CACNA1C: variants seen among roughly 807,000 people sequenced by gnomAD.
The protein encoded by CACNA1C is voltage-dependent L-type calcium channel subunit alpha-1C.
CACNA1C carries 30 observed loss-of-function variants against 229.0 expected under a neutral mutation model. The observed-to-expected ratio is 0.13, with a 90% CI of 0.10 to 0.18. The LOEUF is 0.18. CACNA1C is among the 10% of genes least tolerant of loss of function. The pLI is 1.00. For synonymous variants in CACNA1C, 1,114 were observed against 1,132.5 expected (o/e 0.98, Z 0.33); for missense variants, 1,658 against 2,845.0 (o/e 0.58, Z 9.49).
At chr12:2,065,567 A>G (rs1008100392) in intron 1 of CACNA1C, among the ~76,000 whole-genome samples, 1 of 152,162 alleles carries the variant, frequency 6.6e-6, no homozygotes, top group African/African-American at 2.4e-5. Context: ...TATCTATTCT[A>G]GGAGGTAAGA....
chr12:2,690,672 A>C (rs1603472053), intron 46 of CACNA1C: 1 of 502,530 alleles, frequency 2.0e-6, no homozygotes, highest in African/African-American at 1.9e-5. Flanking sequence ...GTGTTTGACC[A>C]CCCCAGCCAA....
chr12:2,493,145 C>A lies in CACNA1C; in HGVS notation c.917-45C>A, dbSNP rs1424614982. Reference sequence around the variant, plus strand: ...GACTTCTTTCTCTGCCCACATCTCTCCCTCCCTGCTGCTCCCGTCTCCTGT... The same window carrying A: ...GACTTCTTTCTCTGCCCACATCTCTACCTCCCTGCTGCTCCCGTCTCCTGT... On this transcript the variant is annotated intron_variant, in intron 6 of 46. Coordinates refer to ENST00000399655, the MANE Select transcript of CACNA1C (RefSeq NM_000719.7). The surrounding 1 kb of genome is among the most constrained non-coding windows in gnomAD (Gnocchi z 4.6). 3 of 1,532,024 alleles carry A rather than the reference C, an allele frequency of 2.0e-6. No individual in the cohort carries two copies. 94.9% of individuals were successfully genotyped at this position (1,532,024 alleles called of 1,614,324 possible).
intron 3 of CACNA1C, among the ~76,000 whole-genome samples, chr12:2,280,222 TCGG>T (rs2090649679): frequency 3.2e-5 from 4 of 123,754 alleles, no homozygotes; most frequent in Admixed American, 7.5e-5. Flanking sequence ...TTGCTGTGCT[TCGG>T]TTTAACCTCT....
At position 1,993,434 on chromosome 12, in the gene CACNA1C, G is replaced by A. The variant is rs181656687; in HGVS notation, c.139+22233G>A. On this transcript the variant is annotated intron_variant, in intron 1 of 46. Transcript: ENST00000682462. ...TCAGGGGGAAATCAATAGACAAATTGCTTAGTATGCTATATTTTCAGTATA... is the reference window on the plus strand; with the variant it reads ...TCAGGGGGAAATCAATAGACAAATTACTTAGTATGCTATATTTTCAGTATA... 42 of 1,591,956 alleles carry A rather than the reference G, an allele frequency of 2.6e-5. No individual in the cohort carries two copies. In the East Asian group the frequency reaches 9.2e-4, roughly 35 times the overall value.
chr12:2,574,828 T>C (rs189659640), intron 13 of CACNA1C, among the ~76,000 whole-genome samples: 4 of 152,252 alleles, frequency 2.6e-5, no homozygotes, highest in Non-Finnish European at 1.5e-5. Flanking sequence ...CTGGCAGGGG[T>C]CTGTGGCAAA....
chr12:2,566,441 A>G lies in CACNA1C; in HGVS notation c.1528A>G (p.Asn510Asp). ...SKFSRYWRRW[N>D]RFCRRKCRAA... Reference sequence around the variant, plus strand: ...TTCCAGCCGCTACTGGCGCCGGTGGAATCGGTTCTGCAGAAGGAAGTGCCG... The same window carrying G: ...TTCCAGCCGCTACTGGCGCCGGTGGGATCGGTTCTGCAGAAGGAAGTGCCG... The change falls in exon 12 of 47, where the codon AAT becomes GAT. Residue 510 changes from asparagine to aspartate, a missense_variant. Coordinates refer to ENST00000399655, the MANE Select transcript of CACNA1C (RefSeq NM_000719.7). The surrounding 1 kb of genome is among the most constrained non-coding windows in gnomAD (Gnocchi z 4.0). 6.3e-7 allele frequency: 1 copy of G among 1,595,712 alleles called. No homozygotes were observed. The highest frequency in any genetic ancestry group is 8.5e-7 in the Non-Finnish European group (1 of 1,170,996).
rs138499335 is a variant in CACNA1C at position 2,004,339 on chromosome 12, G to T, written c.139+33138G>T. The T allele has an allele frequency of 6.9e-4, 1,110 of 1,613,378 alleles. 2 individuals are homozygous for T. The highest frequency in any genetic ancestry group is 7.9e-4 in the Non-Finnish European group (928 of 1,179,940). ...GAGCCACCTGGCTGGCCACGTCCAC[G>T]ATGCGGTTGATATAGGGGTCGTGGC... On this transcript the variant is annotated intron_variant, in intron 1 of 46. Transcript: ENST00000682462.
At chr12:2,147,742 G>C (rs1173054454) in intron 3 of CACNA1C, among the ~76,000 whole-genome samples, 2 of 147,054 alleles carry the variant, frequency 1.4e-5, no homozygotes, top group East Asian at 4.0e-4. Context: ...AAATTACAGA[G>C]TGAAAGAAGA....
At chr12:2,635,247 T>A (rs1052469250) in intron 30 of CACNA1C, among the ~76,000 whole-genome samples, 17 of 152,156 alleles carry the variant, frequency 1.1e-4, no homozygotes, top group African/African-American at 4.1e-4. Flanking sequence ...TCCTGCCACC[T>A]CCTTCTCCCA....
intron 3 of CACNA1C, among the ~76,000 whole-genome samples, chr12:2,144,048 C>G (rs941006576): frequency 3.3e-5 from 5 of 151,404 alleles, no homozygotes; most frequent in African/African-American, 9.7e-5. Context: ...CAAAGATGAA[C>G]TGATCCCTGC....
At chr12:2,450,404 C>T (rs867947209) in intron 4 of CACNA1C, among the ~76,000 whole-genome samples, 3 of 151,574 alleles carry the variant, frequency 2.0e-5, no homozygotes, top group South Asian at 4.2e-4. Flanking sequence ...AATACAAAAA[C>T]TTAGCCGGGC....
intron 3 of CACNA1C, among the ~76,000 whole-genome samples, chr12:2,154,269 TGGCCGG>T (rs1324878012): frequency 2.0e-5 from 3 of 152,158 alleles, no homozygotes; most frequent in Non-Finnish European, 4.4e-5. Flanking sequence ...CTGCAGAGCC[TGGCCGG>T]GGAGGGACAG....
chr12:2,259,254 C>A (rs2079132092), intron 3 of CACNA1C, among the ~76,000 whole-genome samples: 2 of 152,170 alleles, frequency 1.3e-5, no homozygotes, highest in African/African-American at 4.8e-5. Context: ...CACACGGGAC[C>A]CAGCAGTTTG....
intron 3 of CACNA1C, among the ~76,000 whole-genome samples, chr12:2,160,525 G>C (rs1371219291): frequency 1.3e-5 from 2 of 152,178 alleles, no homozygotes; most frequent in Non-Finnish European, 2.9e-5. Flanking sequence ...AATGATTTGA[G>C]ATCCAGTAGT....
At chr12:2,544,407 A>G (rs1193916111) in intron 9 of CACNA1C, among the ~76,000 whole-genome samples, 1 of 152,202 alleles carries the variant, frequency 6.6e-6, no homozygotes, top group African/African-American at 2.4e-5. Context: ...CCTGGAAGTG[A>G]TGGTGCAGCC....
chr12:2,668,200 C>T (rs2096336723), intron 37 of CACNA1C, among the ~76,000 whole-genome samples: 1 of 152,234 alleles, frequency 6.6e-6, no homozygotes, highest in African/African-American at 2.4e-5. Flanking sequence ...CCGGTCTTTG[C>T]TGCCAGTGGA....
chr12:2,603,804 G>A (rs1426740951), intron 22 of CACNA1C: 1 of 152,236 alleles, frequency 6.6e-6, no homozygotes, highest in African/African-American at 2.4e-5. Flanking sequence ...TGGAGACAAA[G>A]CATTCACATT....
chr12:2,657,018 C>T (rs1057310945), intron 34 of CACNA1C, among the ~76,000 whole-genome samples: 3 of 152,110 alleles, frequency 2.0e-5, no homozygotes, highest in Non-Finnish European at 4.4e-5. Context: ...GTCTAATCAG[C>T]ATTCCAGTAG....
At chr12:2,159,163 TC>T (rs2095705296) in intron 3 of CACNA1C, among the ~76,000 whole-genome samples, 1 of 152,272 alleles carries the variant, frequency 6.6e-6, no homozygotes, top group East Asian at 1.9e-4. Context: ...GGATTTTTTT[TC>T]TTCAATGAAC....
Sources: gnomAD v4.1 joint callset for allele counts (sites outside exome capture counted in the v4.1 genomes callset) on GRCh38, gnomAD v4.1.1 for gene constraint, Gnocchi (gnomAD v3.1) non-coding constraint, MANE v1.5 for transcripts, NCBI Gene and HGNC (gene_info 2026-07-23, HGNC 2026-07-21) for gene names.